The following NEK5 variants were observed in gnomAD, a reference collection of about 807,000 sequenced individuals.
The protein encoded by NEK5 is serine/threonine-protein kinase Nek5.
NEK5 carries 88 observed loss-of-function variants against 109.2 expected under a neutral mutation model. The ratio of observed to expected loss-of-function variants is 0.81; its 90% CI spans 0.68 to 0.96. NEK5 has a LOEUF of 0.96. Among genes scored for constraint, NEK5 ranks in the 40% least tolerant of loss-of-function variants. NEK5 has a pLI of 0.00. For missense variants in NEK5, 834 were observed against 920.7 expected (o/e 0.91, Z 1.22); for synonymous variants, 283 against 299.9 (o/e 0.94, Z 0.58).
chr13:52,101,139 C>G (rs547672761), intron 11 of NEK5, among the ~76,000 whole-genome samples: 43 of 152,334 alleles, frequency 2.8e-4, no homozygotes, highest in African/African-American at 9.9e-4. Context: ...TGGCTCACGC[C>G]TGTAATCCCA....
At chr13:52,064,832 G>C in intron 21 of NEK5, 2 of 244,934 alleles carry the variant, frequency 8.2e-6, no homozygotes, top group Non-Finnish European at 1.6e-5. Context: ...CCCCAACCCT[G>C]TGCTCTCTGA....
chr13:52,112,561 T>C (rs1192844121), intron 4 of NEK5, among the ~76,000 whole-genome samples, 196 bp from the exon 5 acceptor site: 2 of 152,222 alleles, frequency 1.3e-5, no homozygotes, highest in African/African-American at 4.8e-5. Flanking sequence ...ATTATAGAAA[T>C]TTCTTCTTTG....
At chr13:52,055,174 C>T (rs901725666) in intron 22 of NEK5, among the ~76,000 whole-genome samples, 2 of 151,966 alleles carry the variant, frequency 1.3e-5, no homozygotes, top group East Asian at 1.9e-4. Context: ...GGAGCCGATG[C>T]GATCAACTGG....
At chr13:52,116,599 C>G (rs1955862413) in intron 4 of NEK5, among the ~76,000 whole-genome samples, 1 of 152,204 alleles carries the variant, frequency 6.6e-6, no homozygotes, top group Non-Finnish European at 1.5e-5. Flanking sequence ...AGCTGAGACT[C>G]CGGGCAGAGA....
At chr13:52,083,996 A>G (rs898870289) in intron 16 of NEK5, among the ~76,000 whole-genome samples, 1 of 151,910 alleles carries the variant, frequency 6.6e-6, no homozygotes, top group Non-Finnish European at 1.5e-5. Flanking sequence ...CTCTGTCCCA[A>G]CCTTTGCATG....
chr13:52,080,692 A>T (rs534324689), intron 17 of NEK5, among the ~76,000 whole-genome samples: 8 of 152,180 alleles, frequency 5.3e-5, no homozygotes, highest in South Asian at 4.2e-4. Context: ...GCTTGAAGGC[A>T]GCATGCTCGT....
rs10634598 is a variant in NEK5 at position 52,078,592 on chromosome 13, GT to G, written c.1573-2450del. Among the ~76,000 whole-genome samples, 368 of 149,346 alleles carry G rather than the reference GT, an allele frequency of 2.5e-3. 3 individuals carry two copies. Among genetic ancestry groups the G allele is most frequent in the African/African-American group, 7.7e-3 (312 of 40,424 alleles). ...TGATCAATTATATCTCAATAAAACT[GT>G]TTTTTTTTTTAAAGAGATGGCGGAC... On this transcript the variant is annotated intron_variant, in intron 17 of 23. Transcript: ENST00000684899.
intron 3 of NEK5, among the ~76,000 whole-genome samples, chr13:52,122,489 C>T (rs1273026198): frequency 6.6e-6 from 1 of 152,154 alleles, no homozygotes; most frequent in Admixed American, 6.5e-5. Flanking sequence ...TATACCTGGG[C>T]TGGGCGCAGT....
chr13:52,053,681 A>G (rs890198377), intron 22 of NEK5, among the ~76,000 whole-genome samples: 5 of 152,204 alleles, frequency 3.3e-5, no homozygotes, highest in Non-Finnish European at 7.3e-5. Flanking sequence ...TACCAGCCCA[A>G]TTCACCAGAT....
At chr13:52,118,579 C>T (rs1384709686) in intron 4 of NEK5, among the ~76,000 whole-genome samples, 1 of 152,078 alleles carries the variant, frequency 6.6e-6, no homozygotes, top group East Asian at 1.9e-4. Flanking sequence ...TACAGTGATG[C>T]GTGGAGGCAG....
At position 52,112,282 on chromosome 13, in the gene NEK5, A is replaced by C. The variant is rs1201071401; in HGVS notation, c.298T>G (p.Phe100Val). Reference sequence around the variant, plus strand: ...GAAGTTTTTACCTGATCTTCACTAAATAACACACCCCGTTGTCTATTGATC... The same window carrying C: ...GAAGTTTTTACCTGATCTTCACTAACTAACACACCCCGTTGTCTATTGATC... ...KRINRQRGVL[F>V]SEDQILGWFV... Residue 100 changes from phenylalanine (F) to valine (V), a missense_variant, in exon 5 of 24, where the codon TTT (phenylalanine) becomes GTT (valine). Coordinates refer to ENST00000684899, the MANE Select transcript of NEK5 (RefSeq NM_001365552.1). The C allele has an allele frequency of 1.2e-6, 2 of 1,606,300 alleles. No homozygotes were observed. Among genetic ancestry groups the C allele is most frequent in the Non-Finnish European group, 1.7e-6 (2 of 1,173,180 alleles).
intron 7 of NEK5, among the ~76,000 whole-genome samples, chr13:52,109,245 G>A (rs918241298): frequency 6.6e-6 from 1 of 152,080 alleles, no homozygotes; most frequent in African/African-American, 2.4e-5. Context: ...ACTAGTTCAG[G>A]CCATGATGGG....
At chr13:52,116,922 CTTT>C (rs879560785) in intron 4 of NEK5, among the ~76,000 whole-genome samples, 2 of 143,934 alleles carry the variant, frequency 1.4e-5, no homozygotes, top group African/African-American at 2.5e-5. Context: ...ATCCTATTTT[CTTT>C]TTTTTTTTTT....
At chr13:52,111,944 G>A (rs1955766819) in intron 5 of NEK5, among the ~76,000 whole-genome samples, 1 of 152,168 alleles carries the variant, frequency 6.6e-6, no homozygotes, top group Non-Finnish European at 1.5e-5. Context: ...TATGTTACAT[G>A]TTAAATGGCT....
At chr13:52,125,359 T>G (rs1351664056) in intron 3 of NEK5, among the ~76,000 whole-genome samples, 1 of 152,144 alleles carries the variant, frequency 6.6e-6, no homozygotes, top group Admixed American at 6.5e-5. Context: ...GTCAGGAGAT[T>G]GAGACCATCC....
At chr13:52,039,983 G>A (rs933170164) in intron 23 of NEK5, among the ~76,000 whole-genome samples, 1 of 151,688 alleles carries the variant, frequency 6.6e-6, no homozygotes, top group Non-Finnish European at 1.5e-5. Flanking sequence ...GAAGCCCAAG[G>A]AAGCTTGTAT....
At chr13:52,070,952 A>G (rs527567133) in intron 20 of NEK5, among the ~76,000 whole-genome samples, 11 of 152,320 alleles carry the variant, frequency 7.2e-5, no homozygotes, top group South Asian at 6.2e-4. Flanking sequence ...CCTAAGGTGA[A>G]ACTGAGATTC....
chr13:52,038,271 G>A (rs1259688624), intron 23 of NEK5, among the ~76,000 whole-genome samples: 2 of 151,918 alleles, frequency 1.3e-5, no homozygotes, highest in Middle Eastern at 3.4e-3. Flanking sequence ...GCAGTGAGCC[G>A]AGATCGCACC....
Position 52,110,513 on chromosome 13 carries a change from T to G in NEK5, c.377A>C (p.His126Pro), listed in dbSNP as rs1264837107. 6.2e-7 allele frequency: 1 copy of G among 1,612,322 alleles called. No homozygotes were observed. Among genetic ancestry groups the G allele is most frequent in the Admixed American group, 1.7e-5 (1 of 59,962 alleles). Reference protein sequence around the residue: ...LKHIHDRKILHRDIKAQNIFL... With the variant: ...LKHIHDRKILPRDIKAQNIFL... ...TGTTACCTGAGCTTTTATGTCCCTGTGTAATATCTTCCTGTCATGAATATG... is the reference window on the plus strand; with the variant it reads ...TGTTACCTGAGCTTTTATGTCCCTGGGTAATATCTTCCTGTCATGAATATG... Residue 126 changes from histidine to proline, a missense_variant, in exon 6 of 24, where the codon CAC (histidine) becomes CCC (proline). This residue lies in a region of NEK5 where 777 missense variants were observed against 824.7 expected (regional missense o/e 0.94). Coordinates refer to ENST00000684899, the MANE Select transcript of NEK5 (RefSeq NM_001365552.1).
Sources: allele counts gnomAD v4.1 joint callset (sites outside exome capture counted in the v4.1 genomes callset), GRCh38; gene constraint gnomAD v4.1.1; regional missense constraint gnomAD v4.1.1; transcripts MANE v1.5; gene names NCBI Gene and HGNC (gene_info 2026-07-23, HGNC 2026-07-21).